LTV1: variants seen among roughly 807,000 people sequenced by gnomAD.
LTV1 encodes LTV1 ribosome biogenesis factor, also known as protein LTV1 homolog.
LTV1 carries 39 observed loss-of-function variants against 59.9 expected under a neutral mutation model. The ratio of observed to expected loss-of-function variants is 0.65; its 90% confidence interval spans 0.50 to 0.85. The LOEUF is 0.85. LTV1 is among the 40% of genes least tolerant of loss of function. The pLI is 0.00. For synonymous variants in LTV1, 171 were observed against 189.5 expected (o/e 0.90, Z 0.80); for missense variants, 493 against 549.1 (o/e 0.90, Z 1.02).
intron 1 of LTV1, 68 bp downstream of exon 1, chr6:143,843,548 A>G (rs896945427): frequency 1.1e-5 from 18 of 1,604,524 alleles, no homozygotes; most frequent in East Asian, 9.0e-5. Context: ...TGCTTCCGGT[A>G]ATACCTTGGC....
Position 143,860,505 on chromosome 6 carries a change from A to T in LTV1, c.875A>T (p.Asn292Ile). 6.2e-7 allele frequency: 1 copy of T among 1,613,762 alleles called. No homozygotes were observed. The highest frequency in any genetic ancestry group is 8.5e-7 in the Non-Finnish European group (1 of 1,179,816). ...GAAGGTTCTATTCAAGTGGACAGCAATCGCTTACAGGAAGTTTTGAATGAC... is the reference window on the plus strand; with the variant it reads ...GAAGGTTCTATTCAAGTGGACAGCATTCGCTTACAGGAAGTTTTGAATGAC... ...ELEGSIQVDS[N>I]RLQEVLNDYY... Residue 292 changes from asparagine to isoleucine, a missense_variant, in exon 7 of 11, where the codon AAT becomes ATT. Coordinates refer to ENST00000367576, the MANE Select transcript of LTV1 (RefSeq NM_032860.5).
chr6:143,861,522 A>G (rs1382120160), intron 7 of LTV1, among the ~76,000 whole-genome samples: 1 of 152,166 alleles, frequency 6.6e-6, no homozygotes, highest in African/African-American at 2.4e-5. Flanking sequence ...TATTCCAAGC[A>G]TACGCTTTTT....
At chr6:143,851,213 T>G (rs1776979107) in intron 4 of LTV1, among the ~76,000 whole-genome samples, 1 of 152,318 alleles carries the variant, frequency 6.6e-6, no homozygotes, top group East Asian at 1.9e-4. Flanking sequence ...CCATGTCAGA[T>G]GATAAATTTG....
In LTV1 at chr6:143,857,827, C is replaced by T. The variant is rs748074529; in HGVS notation, c.615C>T (p.Asp205=). Residue 205 remains aspartate (D), a synonymous_variant, in exon 6 of 11, where the codon GAC becomes GAT. Transcript: ENST00000367576. This position sits in a 1 kb window ranked among gnomAD's most constrained non-coding sequence, Gnocchi z 5.2. ...AGGGAGATAGCAATGATGACTATGACTCTGCAGGCCTATTGTCAGATGAAG... is the reference window on the plus strand; with the variant it reads ...AGGGAGATAGCAATGATGACTATGATTCTGCAGGCCTATTGTCAGATGAAG... ...DEKGDSNDDY[D]SAGLLSDEDC... is the part of the protein sequence containing the mutation. The T allele has an allele frequency of 3.7e-6, 6 of 1,613,882 alleles. No individual in the cohort carries two copies. Among genetic ancestry groups the T allele is most frequent in the Non-Finnish European group, 5.1e-6 (6 of 1,179,916 alleles).
chr6:143,849,145 G>A (rs1776942672), intron 3 of LTV1, among the ~76,000 whole-genome samples: 1 of 152,184 alleles, frequency 6.6e-6, no homozygotes, highest in Non-Finnish European at 1.5e-5. Flanking sequence ...AGTAGATATA[G>A]ACTAGCTATA....
intron 2 of LTV1, among the ~76,000 whole-genome samples, chr6:143,845,463 C>A (rs1479851040): frequency 6.6e-6 from 1 of 152,168 alleles, no homozygotes; most frequent in Admixed American, 6.5e-5. Context: ...GCAACTTCTA[C>A]CTCTTGGGCT....
chr6:143,847,057 A>G (rs1335548663), intron 3 of LTV1, among the ~76,000 whole-genome samples: 1 of 152,184 alleles, frequency 6.6e-6, no homozygotes, highest in Non-Finnish European at 1.5e-5. Flanking sequence ...AGACTCAGAA[A>G]GGTTAGGTTT....
In LTV1 at chr6:143,855,911, AT is replaced by A. The variant is rs760720139; in HGVS notation, c.398-1390del. The stretch of plus-strand genomic sequence containing the variant: ...CATTTCAACCTTCGTGAATCTGACG[AT>A]TATGTGTCTTGGGGTTGCTCTTCTC... On this transcript the variant is annotated intron_variant, in intron 4 of 10. Transcript: ENST00000367576. The surrounding 1 kb of genome is among the most constrained non-coding windows in gnomAD (Gnocchi z 4.6). Among the ~76,000 whole-genome samples the A allele has an allele frequency of 1.5e-4, 23 of 151,808 alleles. No homozygotes were observed. The highest frequency in any genetic ancestry group is 2.5e-4 in the Non-Finnish European group (17 of 68,002).
rs1562333744 is a variant in LTV1, at chr6:143,862,982, A to G, written c.1116+86A>G. ...TTTCGCACAATAACTTTTTATCTTTATGGCTAGAGTGATATTAGAAAAAGC... is the reference window on the plus strand; with the variant it reads ...TTTCGCACAATAACTTTTTATCTTTGTGGCTAGAGTGATATTAGAAAAAGC... On this transcript the variant is annotated intron_variant, in intron 9 of 10. Transcript: ENST00000367576. This position sits in a 1 kb window ranked among gnomAD's most constrained non-coding sequence, Gnocchi z 4.2. The G allele has an allele frequency of 6.9e-7, 1 of 1,446,864 alleles. No individual in the cohort carries two copies. The highest frequency in any genetic ancestry group is 9.7e-7 in the Non-Finnish European group (1 of 1,030,008). 89.6% of individuals were successfully genotyped at this position (1,446,864 alleles called of 1,614,324 possible). A position where few individuals can be genotyped will look rare whatever the true frequency, so the allele number is the denominator to read the frequency against.
intron 4 of LTV1, among the ~76,000 whole-genome samples, chr6:143,856,458 C>T (rs1443493687): frequency 2.6e-5 from 4 of 152,162 alleles, no homozygotes; most frequent in Non-Finnish European, 5.9e-5. Context: ...ACGCATTCTC[C>T]GTCCAGTTTT....
Position 143,850,193 on chromosome 6 carries a change from G to T in LTV1, c.372G>T (p.Leu124Phe). Residue 124 changes from leucine to phenylalanine, a missense_variant, in exon 4 of 11, where the codon TTG becomes TTT. Physicochemically the swap from Leu to Phe is conservative, Grantham distance 22 (BLOSUM62 0). Coordinates refer to ENST00000367576, the MANE Select transcript of LTV1 (RefSeq NM_032860.5). Reference sequence around the variant, plus strand: ...CAGAGTTTGAGGAAGATGTTGGATTGTTAAATAAAGCAGCTCCAGTTTCAG... The same window carrying T: ...CAGAGTTTGAGGAAGATGTTGGATTTTTAAATAAAGCAGCTCCAGTTTCAG... The part of the protein sequence containing the change: ...FASEFEEDVG[L>F]LNKAAPVSGP... 6.2e-7 allele frequency: 1 copy of T among 1,613,332 alleles called. No individual in the cohort carries two copies. The highest frequency in any genetic ancestry group is 8.5e-7 in the Non-Finnish European group (1 of 1,179,578).
At chr6:143,850,945 A>C (rs4896678) in intron 4 of LTV1, among the ~76,000 whole-genome samples, 48,907 of 151,844 alleles carry the variant, frequency 0.32, 8,372 homozygotes, top group East Asian at 0.53. Flanking sequence ...CAAACCCAGC[A>C]TCACAGGGTT....
In LTV1 at chr6:143,862,195, G is replaced by A. The variant is rs1361272091; in HGVS notation, c.1015G>A (p.Val339Ile). 2 of 1,613,778 alleles carry A rather than the reference G, an allele frequency of 1.2e-6. No homozygotes were observed. The highest frequency in any genetic ancestry group is 2.2e-5 in the East Asian group (1 of 44,872). ...GTCTGAGGAGGAAGAAATGATTACT[G>A]TAGTCCTTGAAGAAGCCAAAGAGAA... ...DESEEEEMITVVLEEAKEKWD... is the reference protein window; with the variant it reads ...DESEEEEMITIVLEEAKEKWD... The change falls in exon 8 of 11, where the codon GTA becomes ATA. Residue 339 changes from valine (V) to isoleucine (I), a missense_variant. Transcript: ENST00000367576. The surrounding 1 kb of genome is among the most constrained non-coding windows in gnomAD (Gnocchi z 4.2).
chr6:143,855,535 G>T lies in LTV1; in HGVS notation c.398-1768G>T, dbSNP rs1486298483. Reference sequence around the variant, plus strand: ...CATTAGTTTATGCAGTTTCTTCTTAGTATCGATGGTCTTTACTGTTTGGTA... The same window carrying T: ...CATTAGTTTATGCAGTTTCTTCTTATTATCGATGGTCTTTACTGTTTGGTA... On this transcript the variant is annotated intron_variant, in intron 4 of 10. Transcript: ENST00000367576. This position sits in a 1 kb window ranked among gnomAD's most constrained non-coding sequence, Gnocchi z 4.6. 6.6e-6 allele frequency among the ~76,000 whole-genome samples: 1 copy of T among 152,160 alleles called. No homozygotes were observed. The highest frequency in any genetic ancestry group is 2.4e-5 in the African/African-American group (1 of 41,428).
At chr6:143,847,828 A>G (rs2128490993) in intron 3 of LTV1, among the ~76,000 whole-genome samples, 1 of 152,324 alleles carries the variant, frequency 6.6e-6, no homozygotes, top group Middle Eastern at 3.4e-3. Context: ...GCTATGAAAA[A>G]ATATGGATTA....
At chr6:143,843,796 G>C (rs1776843122) in intron 1 of LTV1, among the ~76,000 whole-genome samples, 1 of 152,230 alleles carries the variant, frequency 6.6e-6, no homozygotes. Context: ...GCAACCCTGT[G>C]CTTCTTGGGG....
chr6:143,863,103 A>ATCT lies in LTV1; in HGVS notation c.1138_1140dup (p.Ser380dup). 1 of 1,613,798 alleles carries ATCT rather than the reference A, an allele frequency of 6.2e-7. No individual in the cohort carries two copies. Among genetic ancestry groups the ATCT allele is most frequent in the East Asian group, 2.2e-5 (1 of 44,826 alleles). ...TATTTCAGCCCAAACAAATTCGAAT[A>ATCT]TCTTCTAAAACAGGAATACCTCTCA... is the stretch of plus-strand genomic sequence containing the variant. On this transcript the variant is annotated inframe_insertion, in exon 10 of 11. Transcript: ENST00000367576. This position sits in a 1 kb window ranked among gnomAD's most constrained non-coding sequence, Gnocchi z 4.5.
intron 4 of LTV1, among the ~76,000 whole-genome samples, chr6:143,854,289 G>A (rs1777039069): frequency 6.6e-6 from 1 of 152,078 alleles, no homozygotes; most frequent in Non-Finnish European, 1.5e-5. Flanking sequence ...TGGGATCGGT[G>A]GTGATATCCC....
At position 143,857,629 on chromosome 6, in the gene LTV1, C is replaced by G; in HGVS notation, c.540-123C>G. On this transcript the variant is annotated intron_variant, in intron 5 of 10. Coordinates refer to ENST00000367576, the MANE Select transcript of LTV1 (RefSeq NM_032860.5). The surrounding 1 kb of genome is among the most constrained non-coding windows in gnomAD (Gnocchi z 5.2). The stretch of plus-strand genomic sequence containing the variant: ...TACCAAACCAGATTGATCAAACACC[C>G]TCACTCTTCCTGCCTAGACAAGAAC... The G allele has an allele frequency of 8.5e-7, 1 of 1,172,218 alleles. No homozygotes were observed. Among genetic ancestry groups the G allele is most frequent in the Non-Finnish European group, 1.2e-6 (1 of 811,226 alleles). The allele number at this position is 1,172,218 out of a possible 1,614,324, so 72.6% of individuals were successfully genotyped here. A position where few individuals can be genotyped will look rare whatever the true frequency, so the allele number is the denominator to read the frequency against.
Sources: allele counts gnomAD v4.1 joint callset (sites outside exome capture counted in the v4.1 genomes callset), GRCh38; gene constraint gnomAD v4.1.1; non-coding constraint Gnocchi (gnomAD v3.1); transcripts MANE v1.5; gene names NCBI Gene and HGNC (gene_info 2026-07-23, HGNC 2026-07-21).